BPNT1: variants seen among roughly 807,000 people sequenced by gnomAD.
The protein encoded by BPNT1 is 3'(2'), 5'-bisphosphate nucleotidase 1.
A neutral mutation model predicts 36.9 loss-of-function variants in BPNT1; 28 were observed. The observed-to-expected ratio is 0.76, with a 90% CI of 0.56 to 1.04. The LOEUF (loss-of-function observed/expected upper bound fraction) is 1.04. Ranked by LOEUF, BPNT1 falls within the 50% of genes least tolerant of loss-of-function variation. BPNT1 has a pLI of 0.00. For synonymous variants in BPNT1, 119 were observed against 130.9 expected (o/e 0.91, Z 0.62); for missense variants, 313 against 372.9 (o/e 0.84, Z 1.32).
intron 1 of BPNT1, among the ~76,000 whole-genome samples, chr1:220,089,100 C>CG (rs1211063186): frequency 8.9e-4 from 49 of 55,318 alleles, no homozygotes; most frequent in African/African-American, 1.1e-3. Context: ...GACTCCGTCT[C>CG]GAAAAAAAAA....
rs546626409 is a variant in BPNT1, at chr1:220,071,756, C to T, written c.333+1094G>A. On this transcript the variant is annotated intron_variant, in intron 4 of 8. Coordinates refer to ENST00000322067, the MANE Select transcript of BPNT1 (RefSeq NM_006085.6). Reference sequence around the variant, plus strand: ...AGACTGGAGTGCAATGGCGCAATCTCGGCTCACTGTAACCTCCGCCTCCCA... The same window carrying T: ...AGACTGGAGTGCAATGGCGCAATCTTGGCTCACTGTAACCTCCGCCTCCCA... Among the ~76,000 whole-genome samples, 230 of 152,278 alleles carry T rather than the reference C, an allele frequency of 1.5e-3. 1 individual carries two copies. The highest frequency in any genetic ancestry group is 5.4e-3 in the African/African-American group (224 of 41,558).
intron 1 of BPNT1, 69 bp downstream of exon 1, chr1:220,089,617 T>A (rs1254913823): frequency 6.6e-6 from 1 of 152,268 alleles, no homozygotes; most frequent in Non-Finnish European, 1.5e-5. Flanking sequence ...TTTTTCGTTT[T>A]ATTTTTTTAA....
chr1:220,067,458 C>T, intron 5 of BPNT1, 65 bp from the exon 6 acceptor site: 1 of 1,079,676 alleles, frequency 9.3e-7, no homozygotes, highest in Non-Finnish European at 1.3e-6. Flanking sequence ...ATTACTACAT[C>T]AATTGCTCCA....
chr1:220,075,712 T>C (rs1003395970), intron 2 of BPNT1, among the ~76,000 whole-genome samples: 4 of 152,212 alleles, frequency 2.6e-5, no homozygotes, highest in African/African-American at 9.6e-5. Flanking sequence ...ATCAACATAG[T>C]TCCAGACATC....
intron 1 of BPNT1, among the ~76,000 whole-genome samples, chr1:220,085,463 T>C (rs1220996200): frequency 6.6e-6 from 1 of 152,184 alleles, no homozygotes; most frequent in Non-Finnish European, 1.5e-5. Flanking sequence ...TGCCCCAATC[T>C]GTAAAATGGA....
intron 8 of BPNT1, among the ~76,000 whole-genome samples, chr1:220,059,243 C>CTTTTTTTTTTTTTTTTTTTTTTTT: frequency 1.7e-5 from 1 of 57,868 alleles, no homozygotes; most frequent in Non-Finnish European, 3.0e-5. Context: ...ATTTTCTTTT[C>CTTTTTTTTTTTTTTTTTTTTTTTT]TTTTTTTTTT....
intron 2 of BPNT1, among the ~76,000 whole-genome samples, chr1:220,074,358 G>A (rs181596985): frequency 2.5e-4 from 38 of 152,280 alleles, no homozygotes; most frequent in Admixed American, 1.8e-3. Flanking sequence ...TAAGAGATAG[G>A]AAATGTATAA....
intron 2 of BPNT1, among the ~76,000 whole-genome samples, chr1:220,075,851 G>A (rs928976544): frequency 1.3e-5 from 2 of 151,844 alleles, no homozygotes; most frequent in African/African-American, 2.4e-5. Context: ...CTTTTTTCCC[G>A]ACTTAGCATT....
chr1:220,081,530 G>A (rs966831185), intron 1 of BPNT1, among the ~76,000 whole-genome samples: 4 of 151,608 alleles, frequency 2.6e-5, no homozygotes, highest in Non-Finnish European at 5.9e-5. Context: ...GCGATAGAGC[G>A]AGAGTCCGTC....
chr1:220,067,547 G>A (rs1411493523), intron 5 of BPNT1, among the ~76,000 whole-genome samples, 154 bp from the exon 6 acceptor site: 1 of 152,186 alleles, frequency 6.6e-6, no homozygotes, highest in African/African-American at 2.4e-5. Flanking sequence ...AGGCATAAAT[G>A]ATAAGCTGGC....
At chr1:220,086,099 T>C (rs1184991611) in intron 1 of BPNT1, among the ~76,000 whole-genome samples, 1 of 152,156 alleles carries the variant, frequency 6.6e-6, no homozygotes, top group Non-Finnish European at 1.5e-5. Context: ...TTATCAATTA[T>C]CAAAATATGA....
Position 220,072,963 on chromosome 1 carries a change from G to A in BPNT1, c.226-6C>T. 1.9e-6 allele frequency: 3 copies of A among 1,610,046 alleles called. No homozygotes were observed. The highest frequency in any genetic ancestry group is 2.5e-6 in the Non-Finnish European group (3 of 1,176,508). On this transcript the variant is annotated splice_polypyrimidine_tract_variant and splice_region_variant and intron_variant, in intron 3 of 8. Coordinates refer to ENST00000322067, the MANE Select transcript of BPNT1 (RefSeq NM_006085.6). ...ACTTCCTCAGAAGGCAGATCCTAAAGCAGAGATAACCCTAATGGTTACTGA... is the reference window on the plus strand; with the variant it reads ...ACTTCCTCAGAAGGCAGATCCTAAAACAGAGATAACCCTAATGGTTACTGA...
chr1:220,060,643 C>A (rs1341565177), intron 7 of BPNT1, among the ~76,000 whole-genome samples: 1 of 152,164 alleles, frequency 6.6e-6, no homozygotes, highest in East Asian at 1.9e-4. Context: ...ACACGTATTG[C>A]CATTTCACTA....
At position 220,072,837 on chromosome 1, in the gene BPNT1, A is replaced by G; in HGVS notation, c.333+13T>C. 6.2e-7 allele frequency: 1 copy of G among 1,600,564 alleles called. No homozygotes were observed. The highest frequency in any genetic ancestry group is 8.6e-7 in the Non-Finnish European group (1 of 1,167,748). On this transcript the variant is annotated intron_variant, in intron 4 of 8. Transcript: ENST00000322067. ...CAGGTTAATAGAGAGTTGAGTATAA[A>G]TATGGGTCATACATCTTCTTCTTTA...
rs76126479 is a variant in BPNT1 at position 220,057,673 on chromosome 1, C to T, written c.*1171G>A. ...ACAAGAATAAACTAATCCCCAAAGT[C>T]GAGAATGTATAATTTTCAAACACTT... On this transcript the variant is annotated 3_prime_UTR_variant, in exon 9 of 9. Transcript: ENST00000322067. The T allele has an allele frequency of 5.8e-4, 228 of 390,148 alleles. No individual in the cohort carries two copies. The highest frequency in any genetic ancestry group is 4.6e-3 in the African/African-American group (215 of 47,202). 24.2% of individuals were successfully genotyped at this position (390,148 alleles called of 1,614,324 possible).
rs1166000156 is a variant in BPNT1 at position 220,072,964 on chromosome 1, CA to C, written c.226-8del. The C allele has an allele frequency of 2.5e-6, 4 of 1,608,026 alleles. No homozygotes were observed. The highest frequency in any genetic ancestry group is 1.3e-5 in the African/African-American group (1 of 74,788). On this transcript the variant is annotated splice_polypyrimidine_tract_variant and splice_region_variant and intron_variant, in intron 3 of 8. Coordinates refer to ENST00000322067, the MANE Select transcript of BPNT1 (RefSeq NM_006085.6). The stretch of plus-strand genomic sequence containing the variant: ...CTTCCTCAGAAGGCAGATCCTAAAG[CA>C]GAGATAACCCTAATGGTTACTGAAG...
At chr1:220,065,507 A>T (rs1663457153) in intron 6 of BPNT1, among the ~76,000 whole-genome samples, 1 of 152,214 alleles carries the variant, frequency 6.6e-6, no homozygotes, top group African/African-American at 2.4e-5. Context: ...TGTTGGAAGC[A>T]ATAATAAAGT....
At chr1:220,085,508 T>C (rs1268466608) in intron 1 of BPNT1, among the ~76,000 whole-genome samples, 1 of 152,190 alleles carries the variant, frequency 6.6e-6, no homozygotes, top group Non-Finnish European at 1.5e-5. Flanking sequence ...CTGCTGTAAT[T>C]ATTAAATGAG....
At chr1:220,084,281 G>A (rs1655507870) in intron 1 of BPNT1, among the ~76,000 whole-genome samples, 2 of 151,562 alleles carry the variant, frequency 1.3e-5, no homozygotes, top group Non-Finnish European at 2.9e-5. Context: ...GCAGTGAGCT[G>A]AGATTGCGGC....
Sources: allele counts gnomAD v4.1 joint callset (sites outside exome capture counted in the v4.1 genomes callset), GRCh38; gene constraint gnomAD v4.1.1; transcripts MANE v1.5; gene names NCBI Gene and HGNC (gene_info 2026-07-23, HGNC 2026-07-21).